The following TRPC1 variants were observed in gnomAD, a reference collection of about 807,000 sequenced individuals.
TRPC1 encodes the protein short transient receptor potential channel 1.
Under a neutral mutation model 88.2 loss-of-function variants are expected in TRPC1, and 42 were observed. The observed-to-expected ratio is 0.48, with a 90% CI of 0.37 to 0.62. TRPC1 has a LOEUF of 0.62. TRPC1 is among the 20% of genes least tolerant of loss of function. TRPC1 has a pLI of 0.00. For missense variants in TRPC1, 699 were observed against 957.3 expected, an observed-to-expected ratio of 0.73 and a Z score of 3.56; for synonymous variants, 288 against 331.8, an observed-to-expected ratio of 0.87 and a Z score of 1.43.
chr3:142,782,262 T>G (rs890260788), intron 6 of TRPC1, among the ~76,000 whole-genome samples: 3 of 152,176 alleles, frequency 2.0e-5, no homozygotes, highest in Non-Finnish European at 4.4e-5. Flanking sequence ...AATGTACCAT[T>G]CTAAAGAAGA....
At chr3:142,793,828 T>A (rs1936369097) in intron 9 of TRPC1, 1 of 982,520 alleles carries the variant, frequency 1.0e-6, no homozygotes, top group African/African-American at 1.7e-5. Context: ...CATAATTACC[T>A]TCTCCAAACA....
chr3:142,804,641 A>T lies in TRPC1; in HGVS notation c.2154+11A>T, dbSNP rs1314507044. 1 of 1,583,184 alleles carries T rather than the reference A, an allele frequency of 6.3e-7. No homozygotes were observed. The highest frequency in any genetic ancestry group is 2.3e-5 in the East Asian group (1 of 44,222). On this transcript the variant is annotated intron_variant, in intron 12 of 12. Coordinates refer to ENST00000476941, the MANE Select transcript of TRPC1 (RefSeq NM_001251845.2). ...CAAAACAGTTTAAAGGTAAGAAATT[A>T]GAAGCTTGAATGGCAACATAAAAGT...
chr3:142,726,522 T>C (rs1265059621), intron 1 of TRPC1, among the ~76,000 whole-genome samples: 1 of 152,130 alleles, frequency 6.6e-6, no homozygotes, highest in East Asian at 1.9e-4. Context: ...ATTTTCCCCA[T>C]ATATAAATTA....
Position 142,743,571 on chromosome 3 carries a change from A to G in TRPC1, c.414A>G (p.Ser138=). 1 of 1,523,840 alleles carries G rather than the reference A, an allele frequency of 6.6e-7. No homozygotes were observed. The highest frequency in any genetic ancestry group is 8.8e-7 in the Non-Finnish European group (1 of 1,141,486). The allele number at this position is 1,523,840 out of a possible 1,614,324, so 94.4% of individuals were successfully genotyped here. A position where few individuals can be genotyped will look rare whatever the true frequency, so the allele number is the denominator to read the frequency against. The change falls in exon 3 of 13, where the codon TCA becomes TCG. Residue 138 remains serine (S), a synonymous_variant. Coordinates refer to ENST00000476941, the MANE Select transcript of TRPC1 (RefSeq NM_001251845.2). The part of the protein sequence containing the change: ...ILLNHRPKRS[S]RPTIVKLMER... Reference sequence around the variant, plus strand: ...TTAATCATCGACCAAAACGATCATCAAGACCAACTATAGTAGTTAGTACTC... The same window carrying G: ...TTAATCATCGACCAAAACGATCATCGAGACCAACTATAGTAGTTAGTACTC...
chr3:142,726,805 C>A (rs1933691658), intron 1 of TRPC1, among the ~76,000 whole-genome samples: 1 of 152,190 alleles, frequency 6.6e-6, no homozygotes, highest in African/African-American at 2.4e-5. Flanking sequence ...TACACTGGAG[C>A]CTTCCTCAGA....
intron 4 of TRPC1, among the ~76,000 whole-genome samples, chr3:142,753,837 A>C (rs376832840): frequency 1.3e-5 from 2 of 152,004 alleles, no homozygotes; most frequent in Non-Finnish European, 2.9e-5. Context: ...GCTCACGCCT[A>C]TAATCCTAGC....
intron 9 of TRPC1, among the ~76,000 whole-genome samples, chr3:142,800,922 G>GAA (rs34332451): frequency 8.5e-6 from 1 of 118,168 alleles, no homozygotes; most frequent in Non-Finnish European, 1.9e-5. Context: ...TAAAAAGAAA[G>GAA]AAAAAAAAAA....
Position 142,780,945 on chromosome 3 carries a change from C to A in TRPC1, c.876C>A (p.Asp292Glu), listed in dbSNP as rs112064817. 6.2e-7 allele frequency: 1 copy of A among 1,613,792 alleles called. No homozygotes were observed. The highest frequency in any genetic ancestry group is 8.5e-7 in the Non-Finnish European group (1 of 1,179,790). The change falls in exon 6 of 13, where the codon GAC becomes GAA. Residue 292 changes from aspartate (D) to glutamate (E), a missense_variant. This residue lies in a region of TRPC1 where 426 missense variants were observed against 641.3 expected (regional missense o/e 0.66). Coordinates refer to ENST00000476941, the MANE Select transcript of TRPC1 (RefSeq NM_001251845.2). ...TTATTCTAAACCATACGTCTAGTGA[C>A]GAGCCTCTTGACAAACGGGGATTAT... is the stretch of plus-strand genomic sequence containing the variant. ...LEVILNHTSS[D>E]EPLDKRGLLE... is the part of the protein sequence containing the mutation.
At chr3:142,788,230 A>T (rs1002645321) in intron 7 of TRPC1, among the ~76,000 whole-genome samples, 2 of 152,174 alleles carry the variant, frequency 1.3e-5, no homozygotes, top group African/African-American at 4.8e-5. Context: ...GTGCTGTGGC[A>T]GGAGTAGATG....
At chr3:142,725,052 A>G (rs1319026059) in intron 1 of TRPC1, among the ~76,000 whole-genome samples, 1 of 152,176 alleles carries the variant, frequency 6.6e-6, no homozygotes. Context: ...GACCGCATGA[A>G]TGACCTGGTC....
At chr3:142,756,391 G>C (rs181242047) in intron 4 of TRPC1, among the ~76,000 whole-genome samples, 163 of 145,744 alleles carry the variant, frequency 1.1e-3, no homozygotes, top group African/African-American at 4.1e-3. Flanking sequence ...ACAGAGTCTC[G>C]CTCTGTTGCC....
rs148738181 is a variant in TRPC1 at position 142,731,779 on chromosome 3, A to G, written c.173-4600A>G. ...CAGGAGTGAGCAAACTATGGGCCACAGACCATATCTGCCTGTTCTGTGAGG... is the reference window on the plus strand; with the variant it reads ...CAGGAGTGAGCAAACTATGGGCCACGGACCATATCTGCCTGTTCTGTGAGG... On this transcript the variant is annotated intron_variant, in intron 1 of 12. Coordinates refer to ENST00000476941, the MANE Select transcript of TRPC1 (RefSeq NM_001251845.2). 7.8e-3 allele frequency among the ~76,000 whole-genome samples: 1,183 copies of G among 152,288 alleles called. 9 individuals carry two copies. The highest frequency in any genetic ancestry group is 0.016 in the South Asian group (79 of 4,826).
At chr3:142,768,742 A>C (rs1433511356) in intron 4 of TRPC1, among the ~76,000 whole-genome samples, 1 of 151,878 alleles carries the variant, frequency 6.6e-6, no homozygotes, top group Non-Finnish European at 1.5e-5. Flanking sequence ...ACTATTTAAG[A>C]ATTTTTTCTT....
chr3:142,745,166 C>T (rs990896902), intron 3 of TRPC1, among the ~76,000 whole-genome samples: 2 of 150,720 alleles, frequency 1.3e-5, no homozygotes, highest in Admixed American at 1.3e-4. Flanking sequence ...CTATCCAAAG[C>T]ATCAGAAATA....
rs1341504276 is a variant in TRPC1 at position 142,724,321 on chromosome 3, G to A, written c.-239G>A. 6.8e-6 allele frequency: 2 copies of A among 294,778 alleles called. No individual in the cohort carries two copies. Among genetic ancestry groups the A allele is most frequent in the Non-Finnish European group, 1.2e-5 (2 of 160,684 alleles). The allele number at this position is 294,778 out of a possible 1,614,324, so 18.3% of individuals were successfully genotyped here. A position where few individuals can be genotyped will look rare whatever the true frequency, so the allele number is the denominator to read the frequency against. The stretch of plus-strand genomic sequence containing the variant: ...CGGCCGGGGCGCCGGCGGCTGGGGA[G>A]GGGTCGCTGGCCCCGGGGCCGCGCA... On this transcript the variant is annotated 5_prime_UTR_variant, in exon 1 of 13. Transcript: ENST00000476941. This position sits in a 1 kb window ranked among gnomAD's most constrained non-coding sequence, Gnocchi z 5.6.
chr3:142,734,862 G>A (rs977672376), intron 1 of TRPC1, among the ~76,000 whole-genome samples: 2 of 152,068 alleles, frequency 1.3e-5, no homozygotes, highest in African/African-American at 4.8e-5. Context: ...GACACATCAC[G>A]ATAACAAAGT....
intron 1 of TRPC1, among the ~76,000 whole-genome samples, chr3:142,735,943 AT>A (rs1425297598): frequency 6.6e-6 from 1 of 152,018 alleles, no homozygotes; most frequent in African/African-American, 2.4e-5. Context: ...ACTAGATCTC[AT>A]TTTTAACTCT....
intron 2 of TRPC1, among the ~76,000 whole-genome samples, chr3:142,740,651 A>C (rs953837897): frequency 4.6e-5 from 7 of 152,286 alleles, no homozygotes; most frequent in African/African-American, 1.7e-4. Context: ...TGTGAAAGCC[A>C]AAAGAATAGT....
chr3:142,787,279 T>C (rs1457009656), intron 7 of TRPC1, among the ~76,000 whole-genome samples: 1 of 152,216 alleles, frequency 6.6e-6, no homozygotes, highest in African/African-American at 2.4e-5. Context: ...CTGGGCTTTT[T>C]TTCAGTATAT....
Sources: allele counts gnomAD v4.1 joint callset (sites outside exome capture counted in the v4.1 genomes callset), GRCh38; gene constraint gnomAD v4.1.1; regional missense constraint gnomAD v4.1.1; non-coding constraint Gnocchi (gnomAD v3.1); transcripts MANE v1.5; gene names NCBI Gene and HGNC (gene_info 2026-07-23, HGNC 2026-07-21).